LCT: variants seen among roughly 807,000 people sequenced by gnomAD.
The protein encoded by LCT is lactase.
A neutral mutation model predicts 173.0 loss-of-function variants in LCT; 90 were observed. The ratio of observed to expected loss-of-function variants is 0.52; its 90% confidence interval spans 0.44 to 0.62. The LOEUF (loss-of-function observed/expected upper bound fraction) is 0.62, where lower values mean the gene tolerates loss of function less well. Ranked by LOEUF, LCT falls within the 20% of genes least tolerant of loss-of-function variation. The pLI is 0.00. For synonymous variants in LCT, 853 were observed against 957.6 expected (o/e 0.89, Z 2.02); for missense variants, 1,864 against 2,431.4 (o/e 0.77, Z 4.91).
At chr2:135,789,159 A>G (rs971879378) in intron 16 of LCT, among the ~76,000 whole-genome samples, 1 of 152,226 alleles carries the variant, frequency 6.6e-6, no homozygotes. Flanking sequence ...TGTCATTTAC[A>G]TTTGTGTAGT....
chr2:135,833,301 CTT>C, intron 1 of LCT, 111 bp from the exon 2 acceptor site: 1 of 813,772 alleles, frequency 1.2e-6, no homozygotes, highest in Non-Finnish European at 2.2e-6. Context: ...ATCCAAATGA[CTT>C]TACTCTAGCT....
In LCT at chr2:135,788,583, C is replaced by T. The variant is rs574340136; in HGVS notation, c.5564-39G>A. 3.4e-5 allele frequency: 44 copies of T among 1,298,604 alleles called. 1 individual carries two copies. In the East Asian group the frequency reaches 9.4e-4, roughly 28 times the overall value. The allele number at this position is 1,298,604 out of a possible 1,614,324, so 80.4% of individuals were successfully genotyped here. A position where few individuals can be genotyped will look rare whatever the true frequency, so the allele number is the denominator to read the frequency against. ...ACACAGGGTGGTTGGTGCTCTGGCG[C>T]TGATTTGAGTTCTCAGATCTCTGAG... On this transcript the variant is annotated intron_variant, in intron 16 of 16. Transcript: ENST00000264162.
chr2:135,789,703 G>A lies in LCT; in HGVS notation c.5431C>T (p.His1811Tyr). ...GAAGGGTCACTGTAGTTCACAAAAT[G>A]CAGACCAAATCTCTCTGAAAAGCCT... is the stretch of plus-strand genomic sequence containing the variant. ...ATGFSERFGL[H>Y]FVNYSDPSLP... The change falls in exon 16 of 17, where the codon CAT becomes TAT. Residue 1811 changes from histidine (H) to tyrosine (Y), a missense_variant. By Grantham distance (83) the His-to-Tyr change is moderately conservative. Transcript: ENST00000264162. The A allele has an allele frequency of 1.2e-6, 2 of 1,614,100 alleles. No individual in the cohort carries two copies. Among genetic ancestry groups the A allele is most frequent in the Non-Finnish European group, 1.7e-6 (2 of 1,179,936 alleles).
intron 2 of LCT, 85 bp downstream of exon 2, chr2:135,833,026 A>G (rs766339484): frequency 8.7e-6 from 9 of 1,028,958 alleles, no homozygotes; most frequent in Non-Finnish European, 1.2e-5. Flanking sequence ...ATGTCAAACC[A>G]ATAGACCAAA....
chr2:135,801,778 T>G (rs2077629698), intron 11 of LCT, among the ~76,000 whole-genome samples: 2 of 152,094 alleles, frequency 1.3e-5, no homozygotes, highest in Admixed American at 1.3e-4. Context: ...TTCACCATAT[T>G]GATCAGGCTG....
At chr2:135,821,186 C>A (rs1168642144) in intron 5 of LCT, among the ~76,000 whole-genome samples, 1 of 152,124 alleles carries the variant, frequency 6.6e-6, no homozygotes, top group Non-Finnish European at 1.5e-5. Flanking sequence ...CGGCAATCTG[C>A]TCTAATTTTT....
At chr2:135,796,824 C>T (rs368393821) in intron 13 of LCT, among the ~76,000 whole-genome samples, 3 of 152,086 alleles carry the variant, frequency 2.0e-5, no homozygotes, top group Non-Finnish European at 2.9e-5. Flanking sequence ...GCAGATGGGC[C>T]GGGCGCTCAT....
Position 135,804,985 on chromosome 2 carries a change from C to T in LCT, c.4246G>A (p.Val1416Ile), listed in dbSNP as rs2077658169. Reference protein sequence around the residue: ...WDTFSHTPLRVENDAIGDVAC... With the variant: ...WDTFSHTPLRIENDAIGDVAC... ...ACGTCTCCAATGGCATCGTTCTCAA[C>T]CCTCAGTGGTGTGTGAGAAAACGTG... is the stretch of plus-strand genomic sequence containing the variant. The change falls in exon 10 of 17, where the codon GTT becomes ATT. Residue 1416 changes from valine (V) to isoleucine (I), a missense_variant. By Grantham distance (29) the Val-to-Ile change is conservative. This residue lies in a region of LCT where 514 missense variants were observed against 750.1 expected (regional missense o/e 0.69). Transcript: ENST00000264162. The T allele has an allele frequency of 6.2e-7, 1 of 1,614,164 alleles. No individual in the cohort carries two copies. The highest frequency in any genetic ancestry group is 8.5e-7 in the Non-Finnish European group (1 of 1,180,012).
At chr2:135,819,091 C>T (rs1289014774) in intron 5 of LCT, among the ~76,000 whole-genome samples, 2 of 152,196 alleles carry the variant, frequency 1.3e-5, no homozygotes, top group Non-Finnish European at 2.9e-5. Context: ...TGAGTAACTT[C>T]TCCTTGCACA....
chr2:135,794,780 G>A lies in LCT; in HGVS notation c.4977-5C>T, dbSNP rs1353219708. 2.1e-5 allele frequency: 34 copies of A among 1,614,060 alleles called. No individual in the cohort carries two copies. The highest frequency in any genetic ancestry group is 2.7e-5 in the Non-Finnish European group (32 of 1,180,028). On this transcript the variant is annotated splice_polypyrimidine_tract_variant and splice_region_variant and intron_variant, in intron 13 of 16. Transcript: ENST00000264162. ...CTCTCTGTAAATTCTGGCAGCCTGG[G>A]TGGAAGAAGCCATTGAGGGCAGGGC...
intron 1 of LCT, among the ~76,000 whole-genome samples, chr2:135,834,609 G>GGACTCT (rs1457348092): frequency 3.4e-5 from 5 of 148,910 alleles, no homozygotes; most frequent in African/African-American, 9.8e-5. Context: ...CCAACACGGT[G>GGACTCT]AAACCCCATC....
At chr2:135,794,397 T>G (rs943855865) in intron 14 of LCT, 9 of 484,668 alleles carry the variant, frequency 1.9e-5, no homozygotes, top group Non-Finnish European at 3.3e-5. Context: ...AAAAATGAAA[T>G]AAAAAAACAA....
chr2:135,827,087 T>C (rs552858372), intron 3 of LCT, among the ~76,000 whole-genome samples: 12 of 152,302 alleles, frequency 7.9e-5, no homozygotes, highest in African/African-American at 2.9e-4. Flanking sequence ...CAAGCGATTG[T>C]TGTGCCTCAG....
intron 3 of LCT, among the ~76,000 whole-genome samples, chr2:135,828,725 C>T (rs1211814018): frequency 6.6e-6 from 1 of 152,124 alleles, no homozygotes; most frequent in Non-Finnish European, 1.5e-5. Flanking sequence ...GGATAGGAGG[C>T]TCCTAACACA....
intron 12 of LCT, among the ~76,000 whole-genome samples, chr2:135,800,406 T>G (rs188459355): frequency 7.3e-4 from 111 of 152,236 alleles, no homozygotes; most frequent in African/African-American, 2.5e-3. Context: ...TTTTTTTTCT[T>G]CACAGACAAG....
At chr2:135,807,519 G>A in intron 8 of LCT, 123 bp from the exon 9 acceptor site, 1 of 852,562 alleles carries the variant, frequency 1.2e-6, no homozygotes, top group Non-Finnish European at 2.0e-6. Flanking sequence ...TACACCCTGA[G>A]AGACCAACAG....
At chr2:135,831,712 T>C (rs957062563) in intron 2 of LCT, among the ~76,000 whole-genome samples, 1 of 152,114 alleles carries the variant, frequency 6.6e-6, no homozygotes, top group Non-Finnish European at 1.5e-5. Context: ...TCCATCGTGT[T>C]TGAAATGGAA....
At chr2:135,820,278 G>A (rs1447138292) in intron 5 of LCT, 3 of 152,228 alleles carry the variant, frequency 2.0e-5, no homozygotes, top group Non-Finnish European at 4.4e-5. Context: ...ACCAAGCGCT[G>A]AGAGAATCTC....
chr2:135,803,926 T>G lies in LCT; in HGVS notation c.4663+4A>C, dbSNP rs753114192. 2 of 1,612,864 alleles carry G rather than the reference T, an allele frequency of 1.2e-6. No homozygotes were observed. Among genetic ancestry groups the G allele is most frequent in the Non-Finnish European group, 1.7e-6 (2 of 1,179,254 alleles). On this transcript the variant is annotated splice_donor_region_variant and intron_variant, in intron 11 of 16. Transcript: ENST00000264162. ...AGAGCCTATGAGCCAGGGCTGGGACTTACCTGGAGCTGCTGTTCCGTAGCC... is the reference window on the plus strand; with the variant it reads ...AGAGCCTATGAGCCAGGGCTGGGACGTACCTGGAGCTGCTGTTCCGTAGCC...
Sources: allele counts gnomAD v4.1 joint callset (sites outside exome capture counted in the v4.1 genomes callset), GRCh38; gene constraint gnomAD v4.1.1; regional missense constraint gnomAD v4.1.1; transcripts MANE v1.5; gene names NCBI Gene and HGNC (gene_info 2026-07-23, HGNC 2026-07-21).